Variants in LAMA3 observed in about 807,000 individuals in gnomAD.
The protein encoded by LAMA3 is laminin subunit alpha 3.
In LAMA3, 281 loss-of-function variants were observed where a neutral mutation model predicts 402.0. That is an observed-to-expected ratio of 0.70 (90% CI 0.63 to 0.77). The LOEUF is 0.77. LAMA3 is among the 30% of genes least tolerant of loss of function. The pLI, the probability that LAMA3 is intolerant of heterozygous loss-of-function variation, is 0.00. For missense variants in LAMA3, 3,840 were observed against 4,215.5 expected (o/e 0.91, Z 2.47); for synonymous variants, 1,431 against 1,558.4 (o/e 0.92, Z 1.93).
chr18:23,765,608 A>G (rs2062059885), intron 8 of LAMA3, among the ~76,000 whole-genome samples: 1 of 152,214 alleles, frequency 6.6e-6, no homozygotes, highest in Non-Finnish European at 1.5e-5. Flanking sequence ...TCTTAAGAGA[A>G]AAGACAATCA....
At chr18:23,784,566 G>T (rs2062502976) in intron 12 of LAMA3, among the ~76,000 whole-genome samples, 1 of 152,104 alleles carries the variant, frequency 6.6e-6, no homozygotes, top group African/African-American at 2.4e-5. Flanking sequence ...AAGGAGGCAG[G>T]GTGTTCTAGA....
intron 7 of LAMA3, among the ~76,000 whole-genome samples, chr18:23,761,446 G>T (rs141944355): frequency 6.7e-4 from 102 of 152,334 alleles, no homozygotes; most frequent in African/African-American, 2.5e-3. Flanking sequence ...AACAAAGACA[G>T]GTTGGAATTT....
intron 6 of LAMA3, among the ~76,000 whole-genome samples, chr18:23,756,724 G>A (rs1158284346): frequency 3.3e-5 from 5 of 152,136 alleles, no homozygotes; most frequent in African/African-American, 1.2e-4. Flanking sequence ...TGTAAGGGCC[G>A]GACGAAGAAC....
intron 29 of LAMA3, among the ~76,000 whole-genome samples, chr18:23,844,065 C>T (rs1198604121): frequency 6.6e-6 from 1 of 152,198 alleles, no homozygotes; most frequent in Non-Finnish European, 1.5e-5. Context: ...GTCGTCTTCC[C>T]AGGAGACAAG....
intron 32 of LAMA3, among the ~76,000 whole-genome samples, chr18:23,853,038 T>C (rs1391546855): frequency 2.0e-5 from 3 of 152,182 alleles, no homozygotes; most frequent in African/African-American, 7.2e-5. Context: ...CTTAGCCAGC[T>C]TCTCCCTTAA....
intron 13 of LAMA3, among the ~76,000 whole-genome samples, chr18:23,811,212 A>G (rs1309068250): frequency 1.3e-5 from 2 of 152,082 alleles, no homozygotes; most frequent in Admixed American, 6.5e-5. Flanking sequence ...GATGTCCACA[A>G]ATTTCCCTGG....
chr18:23,782,123 C>T (rs1196947959), intron 11 of LAMA3, among the ~76,000 whole-genome samples: 1 of 152,102 alleles, frequency 6.6e-6, no homozygotes, highest in African/African-American at 2.4e-5. Context: ...TATTTTAACC[C>T]ATGTAGAAAA....
intron 38 of LAMA3, among the ~76,000 whole-genome samples, chr18:23,874,291 T>A (rs2064631697): frequency 1.3e-5 from 2 of 152,242 alleles, no homozygotes; most frequent in Non-Finnish European, 2.9e-5. Context: ...TACTTGCCAC[T>A]TATTAGGACA....
Position 23,749,371 on chromosome 18 carries a change from G to T in LAMA3, c.566-57G>T, listed in dbSNP as rs536175420. The T allele has an allele frequency of 3.2e-6, 3 of 923,524 alleles. No homozygotes were observed. In the East Asian group the frequency reaches 7.9e-5, roughly 24 times the overall value. 57.2% of individuals were successfully genotyped at this position (923,524 alleles called of 1,614,324 possible). A position where few individuals can be genotyped will look rare whatever the true frequency, so the allele number is the denominator to read the frequency against. On this transcript the variant is annotated intron_variant, in intron 3 of 74. Transcript: ENST00000313654. ...TAAGGAAACATAAGGCTTCTTAAGA[G>T]ATTTGCAACAAAATGATAATATTTT...
At chr18:23,894,782 AGG>A (rs777870800) in intron 43 of LAMA3, 123 bp from the exon 44 acceptor site, 5 of 1,189,216 alleles carry the variant, frequency 4.2e-6, no homozygotes, top group Non-Finnish European at 6.2e-6. Flanking sequence ...TGAGAAGGCC[AGG>A]GCTGTGGTTG....
chr18:23,906,276 G>A (rs2145169996), intron 52 of LAMA3, among the ~76,000 whole-genome samples: 1 of 152,228 alleles, frequency 6.6e-6, no homozygotes, highest in Admixed American at 6.5e-5. Context: ...AACCCCACAT[G>A]TCAAGATCAT....
rs996305164 is a variant in LAMA3 at position 23,816,019 on chromosome 18, T to A, written c.2048-369T>A. ...TATCACATGTTCTTTAGAACAGCACTGTTTCTGAAGCGCGTTTACTCCTGG... is the reference window on the plus strand; with the variant it reads ...TATCACATGTTCTTTAGAACAGCACAGTTTCTGAAGCGCGTTTACTCCTGG... On this transcript the variant is annotated intron_variant, in intron 17 of 74. Transcript: ENST00000313654. Among the ~76,000 whole-genome samples, 89 of 152,332 alleles carry A rather than the reference T, an allele frequency of 5.8e-4. 1 individual carries two copies. The highest frequency in any genetic ancestry group is 2.0e-3 in the African/African-American group (85 of 41,582).
Position 23,699,137 on chromosome 18 carries a change from A to G in LAMA3, c.294+9160A>G, listed in dbSNP as rs565615612. Among the ~76,000 whole-genome samples the G allele has an allele frequency of 5.1e-4, 77 of 152,260 alleles. No individual in the cohort carries two copies. In the South Asian group the frequency reaches 8.3e-3, roughly 16 times the overall value. On this transcript the variant is annotated intron_variant, in intron 1 of 74. Coordinates refer to ENST00000313654, the MANE Select transcript of LAMA3 (RefSeq NM_198129.4). ...GGGTTGAGAGGAAGGCAGCCTCACA[A>G]CGAGGTTGGGAGAGGGCGACCCTGG...
intron 2 of LAMA3, among the ~76,000 whole-genome samples, chr18:23,742,219 C>T (rs1183047989): frequency 6.6e-6 from 1 of 152,128 alleles, no homozygotes; most frequent in Non-Finnish European, 1.5e-5. Flanking sequence ...GTGACCAATT[C>T]TATGATGGAA....
intron 74 of LAMA3, 40 bp from the exon 75 acceptor site, chr18:23,954,463 A>G: frequency 1.3e-6 from 2 of 1,557,992 alleles, no homozygotes; most frequent in Non-Finnish European, 1.8e-6. Flanking sequence ...CCTGGACAGT[A>G]TGAATTATTT....
chr18:23,854,533 T>C (rs973709536), intron 32 of LAMA3, among the ~76,000 whole-genome samples: 2 of 147,364 alleles, frequency 1.4e-5, no homozygotes, highest in African/African-American at 2.5e-5. Flanking sequence ...CCCAGCTACT[T>C]GGGAGGCTGA....
At chr18:23,713,229 G>A (rs965803831) in intron 1 of LAMA3, among the ~76,000 whole-genome samples, 3 of 152,174 alleles carry the variant, frequency 2.0e-5, no homozygotes, top group African/African-American at 7.2e-5. Context: ...GGCAAGCCTT[G>A]TCTCTCAATG....
intron 39 of LAMA3, among the ~76,000 whole-genome samples, chr18:23,878,157 C>T (rs569122098): frequency 6.6e-6 from 1 of 152,124 alleles, no homozygotes; most frequent in Non-Finnish European, 1.5e-5. Context: ...ATCAGTGAAC[C>T]ATTGCCAGAT....
chr18:23,894,929 C>A lies in LAMA3; in HGVS notation c.5484C>A (p.Thr1828=). The part of the protein sequence containing the change: ...ECDDCDSCVM[T]LLNDLATMGE... Reference sequence around the variant, plus strand: ...CAGATTGCGACAGCTGTGTGATGACCCTCCTGAACGACCTGGCCACCATGG... The same window carrying A: ...CAGATTGCGACAGCTGTGTGATGACACTCCTGAACGACCTGGCCACCATGG... The change falls in exon 44 of 75, where the codon ACC becomes ACA. Residue 1828 remains threonine, a synonymous_variant. Transcript: ENST00000313654. The A allele has an allele frequency of 1.2e-6, 2 of 1,614,206 alleles. No homozygotes were observed. Among genetic ancestry groups the A allele is most frequent in the South Asian group, 2.2e-5 (2 of 91,086 alleles).
Sources: gnomAD v4.1 joint callset for allele counts (sites outside exome capture counted in the v4.1 genomes callset) on GRCh38, gnomAD v4.1.1 for gene constraint, MANE v1.5 for transcripts, NCBI Gene and HGNC (gene_info 2026-07-23, HGNC 2026-07-21) for gene names.